PARD3B: variants seen among roughly 807,000 people sequenced by gnomAD.
PARD3B encodes par-3 family cell polarity regulator beta.
In PARD3B, 103 loss-of-function variants were observed where a neutral mutation model predicts 130.2. That is an observed-to-expected ratio of 0.79 (90% confidence interval 0.67 to 0.93). The LOEUF (loss-of-function observed/expected upper bound fraction) is 0.93, where lower values mean the gene tolerates loss of function less well. Among genes scored for constraint, PARD3B ranks in the 40% least tolerant of loss-of-function variants. The probability of loss-of-function intolerance (pLI) is 0.00; values close to 1 mark genes in which losing one functional copy is unlikely to be tolerated. For synonymous variants in PARD3B, 583 were observed against 553.2 expected (o/e 1.05, Z -0.76); for missense variants, 1,609 against 1,499.2 (o/e 1.07, Z -1.21).
chr2:205,250,806 G>A (rs2039811657), intron 16 of PARD3B, among the ~76,000 whole-genome samples: 1 of 152,114 alleles, frequency 6.6e-6, no homozygotes, highest in South Asian at 2.1e-4. Flanking sequence ...GCCCATGCCT[G>A]TAATCCCAGC....
chr2:204,980,498 G>A (rs571162373), intron 3 of PARD3B, among the ~76,000 whole-genome samples: 5 of 152,246 alleles, frequency 3.3e-5, no homozygotes, highest in Non-Finnish European at 7.4e-5. Context: ...ATAGGATACT[G>A]AAAAAGAAAA....
At chr2:204,899,289 CCTGTCTTCCTTCCTTG>C (rs2046772185) in intron 2 of PARD3B, among the ~76,000 whole-genome samples, 1 of 130,604 alleles carries the variant, frequency 7.7e-6, no homozygotes, top group Non-Finnish European at 1.6e-5. Context: ...TGTCTTCCTT[CCTGTCTTCCTTCCTTG>C]CTGTCTTCCT....
At chr2:205,393,123 C>A (rs1396696849) in intron 18 of PARD3B, among the ~76,000 whole-genome samples, 1 of 152,086 alleles carries the variant, frequency 6.6e-6, no homozygotes, top group Admixed American at 6.5e-5. Flanking sequence ...TATGAGATTA[C>A]AATACATGGA....
At chr2:204,621,388 C>T (rs571535250) in intron 1 of PARD3B, among the ~76,000 whole-genome samples, 45 of 152,170 alleles carry the variant, frequency 3.0e-4, no homozygotes, top group African/African-American at 1.0e-3. Context: ...ACCTCTTGAA[C>T]GCTATGCTTT....
At chr2:205,103,247 TA>T (rs375050002) in intron 4 of PARD3B, among the ~76,000 whole-genome samples, 2 of 74,436 alleles carry the variant, frequency 2.7e-5, no homozygotes, top group African/African-American at 4.3e-5. Context: ...TATATTTATG[TA>T]AAAAACATTT....
chr2:205,423,359 C>G (rs936820150), intron 19 of PARD3B, among the ~76,000 whole-genome samples: 2 of 152,172 alleles, frequency 1.3e-5, no homozygotes, highest in African/African-American at 4.8e-5. Flanking sequence ...GTTTGCAGAC[C>G]TGACGGACAA....
At position 204,902,733 on chromosome 2, in the gene PARD3B, T is replaced by A. The variant is rs2046913192; in HGVS notation, c.223-62419T>A. Among the ~76,000 whole-genome samples, 3 of 151,948 alleles carry A rather than the reference T, an allele frequency of 2.0e-5. No homozygotes were observed. In the South Asian group the frequency reaches 6.2e-4, roughly 31 times the overall value. Reference sequence around the variant, plus strand: ...TGTTCCTAGAGTTATCTCCTAAGCATTTCTTTAAAGGAAATGTCCTATTTT... The same window carrying A: ...TGTTCCTAGAGTTATCTCCTAAGCAATTCTTTAAAGGAAATGTCCTATTTT... On this transcript the variant is annotated intron_variant, in intron 2 of 22. Coordinates refer to ENST00000406610, the MANE Select transcript of PARD3B (RefSeq NM_001302769.2).
chr2:205,259,340 A>G (rs1204479092), intron 16 of PARD3B, among the ~76,000 whole-genome samples: 2 of 152,098 alleles, frequency 1.3e-5, no homozygotes, highest in Admixed American at 6.6e-5. Context: ...TTCCTTGGCA[A>G]CTAGTTTTTG....
chr2:205,286,369 A>G (rs2041396867), intron 16 of PARD3B, among the ~76,000 whole-genome samples: 1 of 152,210 alleles, frequency 6.6e-6, no homozygotes, highest in African/African-American at 2.4e-5. Context: ...CATCATCATT[A>G]TCATCATCAA....
At chr2:205,151,849 C>T (rs1480223987) in intron 10 of PARD3B, among the ~76,000 whole-genome samples, 1 of 152,174 alleles carries the variant, frequency 6.6e-6, no homozygotes, top group Non-Finnish European at 1.5e-5. Flanking sequence ...CAGTTTCTTC[C>T]TAGCCTGGAT....
chr2:205,121,548 C>A lies in PARD3B; in HGVS notation c.807-43C>A. 6.4e-7 allele frequency: 1 copy of A among 1,561,886 alleles called. No individual in the cohort carries two copies. The highest frequency in any genetic ancestry group is 8.8e-7 in the Non-Finnish European group (1 of 1,140,702). On this transcript the variant is annotated intron_variant, in intron 7 of 22. Transcript: ENST00000406610. The surrounding 1 kb of genome is among the most constrained non-coding windows in gnomAD (Gnocchi z 5.0). ...CTGGGGTACTTTAGAAGATGCTGCA[C>A]CTCAAAGCAGGGTCATCATACATTT...
At chr2:205,107,637 G>A (rs2125584130) in intron 5 of PARD3B, among the ~76,000 whole-genome samples, 1 of 152,278 alleles carries the variant, frequency 6.6e-6, no homozygotes, top group South Asian at 2.1e-4. Flanking sequence ...ATATAATAGG[G>A]ACATATTTGC....
chr2:205,358,412 C>A (rs2044272806), intron 18 of PARD3B, among the ~76,000 whole-genome samples: 1 of 152,180 alleles, frequency 6.6e-6, no homozygotes, highest in African/African-American at 2.4e-5. Context: ...TATCACCTCT[C>A]TCAGGCTTCG....
In PARD3B at chr2:205,176,360, C is replaced by T; in HGVS notation, c.1792-85C>T. 7.6e-7 allele frequency: 1 copy of T among 1,315,446 alleles called. No homozygotes were observed. Among genetic ancestry groups the T allele is most frequent in the South Asian group, 1.5e-5 (1 of 67,042 alleles). The allele number at this position is 1,315,446 out of a possible 1,614,324, so 81.5% of individuals were successfully genotyped here. Reference sequence around the variant, plus strand: ...ATAGACTCTTGAAAGACTATTCATACAGCGATCATTCTTTCACTTTGCTTC... The same window carrying T: ...ATAGACTCTTGAAAGACTATTCATATAGCGATCATTCTTTCACTTTGCTTC... On this transcript the variant is annotated intron_variant, in intron 12 of 22. Transcript: ENST00000406610. The surrounding 1 kb of genome is among the most constrained non-coding windows in gnomAD (Gnocchi z 5.3).
At chr2:205,516,231 T>C (rs2050787521) in intron 21 of PARD3B, among the ~76,000 whole-genome samples, 1 of 152,190 alleles carries the variant, frequency 6.6e-6, no homozygotes, top group Non-Finnish European at 1.5e-5. Context: ...GGTAACATGA[T>C]ACCTCCTGCT....
At chr2:205,278,006 T>C (rs746049227) in intron 16 of PARD3B, among the ~76,000 whole-genome samples, 2 of 151,898 alleles carry the variant, frequency 1.3e-5, no homozygotes, top group African/African-American at 4.8e-5. Flanking sequence ...AATAAATATA[T>C]TGTGAGAAGA....
intron 18 of PARD3B, among the ~76,000 whole-genome samples, chr2:205,385,853 T>C (rs2160454): frequency 0.88 from 133,767 of 152,110 alleles, 58,914 homozygotes; most frequent in East Asian, 0.94. Context: ...ACTTTGCAAA[T>C]TGGGATCCCA....
chr2:205,551,823 T>G (rs1335990958), intron 21 of PARD3B, among the ~76,000 whole-genome samples: 1 of 152,198 alleles, frequency 6.6e-6, no homozygotes, highest in Non-Finnish European at 1.5e-5. Flanking sequence ...TTTTCCCTAC[T>G]GACCTTGACA....
intron 18 of PARD3B, among the ~76,000 whole-genome samples, chr2:205,388,132 A>G (rs1390373900): frequency 6.6e-6 from 1 of 152,176 alleles, no homozygotes; most frequent in Non-Finnish European, 1.5e-5. Context: ...TTCCACTCAG[A>G]GGCTCAGACC....
Sources: gnomAD v4.1 joint callset for allele counts (sites outside exome capture counted in the v4.1 genomes callset) on GRCh38, gnomAD v4.1.1 for gene constraint, Gnocchi (gnomAD v3.1) non-coding constraint, MANE v1.5 for transcripts, NCBI Gene and HGNC (gene_info 2026-07-23, HGNC 2026-07-21) for gene names.